The following ERMAP variants were observed in gnomAD, a reference collection of about 807,000 sequenced individuals.
ERMAP encodes erythroid membrane-associated protein.
Under a neutral mutation model 49.5 loss-of-function variants are expected in ERMAP, and 34 were observed. The ratio of observed to expected loss-of-function variants is 0.69; its 90% CI spans 0.52 to 0.91. The LOEUF (loss-of-function observed/expected upper bound fraction) is 0.91, where lower values mean the gene tolerates loss of function less well. ERMAP is among the 40% of genes least tolerant of loss of function. The probability of loss-of-function intolerance (pLI) is 0.00; values close to 1 mark genes in which losing one functional copy is unlikely to be tolerated. For missense variants in ERMAP, 541 were observed against 582.6 expected (o/e 0.93, Z 0.74); for synonymous variants, 214 against 232.2 (o/e 0.92, Z 0.71).
chr1:42,822,025 A>G (rs1309078210), intron 1 of ERMAP, among the ~76,000 whole-genome samples: 1 of 150,834 alleles, frequency 6.6e-6, no homozygotes, highest in Non-Finnish European at 1.5e-5. Flanking sequence ...AAAAAAAAAA[A>G]AAAGAAAACT....
rs796757809 is a variant in ERMAP at position 42,823,596 on chromosome 1, C to CT, written c.-121-2024dup. On this transcript the variant is annotated intron_variant, in intron 1 of 11. Transcript: ENST00000372517. ...AAATACCCAAGTCTGAATAATTATACTTTGTCTTTCAGCTGTACTTTCAGG... is the reference window on the plus strand; with the variant it reads ...AAATACCCAAGTCTGAATAATTATACTTTTGTCTTTCAGCTGTACTTTCAGG... Among the ~76,000 whole-genome samples the CT allele has an allele frequency of 1.3e-4, 20 of 152,284 alleles. No homozygotes were observed. In the East Asian group the frequency reaches 2.5e-3, roughly 19 times the overall value.
chr1:42,841,380 A>T (rs1655053611), intron 11 of ERMAP, among the ~76,000 whole-genome samples: 1 of 152,174 alleles, frequency 6.6e-6, no homozygotes, highest in Non-Finnish European at 1.5e-5. Context: ...TAACATTTAA[A>T]AATAATAATT....
chr1:42,834,649 G>T, intron 4 of ERMAP: 1 of 227,534 alleles, frequency 4.4e-6, no homozygotes, highest in South Asian at 5.0e-5. Context: ...TCTGCCTCCC[G>T]GGTTCAAGGG....
chr1:42,825,086 A>T (rs1654505462), intron 1 of ERMAP, among the ~76,000 whole-genome samples: 2 of 152,248 alleles, frequency 1.3e-5, no homozygotes, highest in South Asian at 4.1e-4. Context: ...GGACATAAAA[A>T]TGTGTAATGT....
chr1:42,817,170 A>G lies in ERMAP; in HGVS notation c.-205A>G, dbSNP rs1306329217. Reference sequence around the variant, plus strand: ...TGGCGGTCGCTGGAGCCGCCGACCAAGAGGCTTGGGAGTCTGTACCTTTCC... The same window carrying G: ...TGGCGGTCGCTGGAGCCGCCGACCAGGAGGCTTGGGAGTCTGTACCTTTCC... On this transcript the variant is annotated 5_prime_UTR_variant, in exon 1 of 12. Coordinates refer to ENST00000372517, the MANE Select transcript of ERMAP (RefSeq NM_001017922.2). 1 of 1,210,358 alleles carries G rather than the reference A, an allele frequency of 8.3e-7. No homozygotes were observed. The highest frequency in any genetic ancestry group is 1.1e-6 in the Non-Finnish European group (1 of 947,538). 75.0% of individuals were successfully genotyped at this position (1,210,358 alleles called of 1,614,324 possible).
chr1:42,839,516 A>C (rs927220956), intron 8 of ERMAP: 1 of 170,818 alleles, frequency 5.9e-6, no homozygotes, highest in Non-Finnish European at 1.3e-5. Flanking sequence ...AGGCTGGGGC[A>C]GGAGAATCGC....
At chr1:42,825,397 A>C in intron 1 of ERMAP, 1 of 868,742 alleles carries the variant, frequency 1.2e-6, no homozygotes, top group Non-Finnish European at 1.4e-6. Context: ...CATTGGAGGA[A>C]AAGGGAGTGG....
chr1:42,837,155 T>C lies in ERMAP; in HGVS notation c.584-3T>C, dbSNP rs775441837. 51 of 1,613,928 alleles carry C rather than the reference T, an allele frequency of 3.2e-5. No homozygotes were observed. The East Asian group carries it at 1.1e-3, about 35-fold the overall frequency. On this transcript the variant is annotated splice_region_variant and splice_polypyrimidine_tract_variant and intron_variant, in intron 6 of 11. Transcript: ENST00000372517. ...CTCATTATCTTTTCCTTTCTTCCTC[T>C]AGACAATCTTCTTTCAGACCATGCT...
intron 1 of ERMAP, among the ~76,000 whole-genome samples, chr1:42,820,144 A>G (rs1317299866): frequency 6.6e-6 from 1 of 152,174 alleles, no homozygotes; most frequent in Non-Finnish European, 1.5e-5. Context: ...CTAGCTTCTC[A>G]TGTGGCTACT....
chr1:42,837,294 T>G, intron 7 of ERMAP, 104 bp downstream of exon 7: 1 of 1,217,294 alleles, frequency 8.2e-7, no homozygotes. Context: ...TATAATACTG[T>G]ACACACATGC....
In ERMAP at chr1:42,837,260, C is replaced by T; in HGVS notation, c.616+70C>T. 6 of 1,490,374 alleles carry T rather than the reference C, an allele frequency of 4.0e-6. No individual in the cohort carries two copies. The South Asian group carries it at 6.9e-5, about 17-fold the overall frequency. 92.3% of individuals were successfully genotyped at this position (1,490,374 alleles called of 1,614,324 possible). The stretch of plus-strand genomic sequence containing the variant: ...CTTTATTTTTCTATGTAAATGTTGA[C>T]AGTCATTATTATAAGTCTATTTTTA... On this transcript the variant is annotated intron_variant, in intron 7 of 11. Coordinates refer to ENST00000372517, the MANE Select transcript of ERMAP (RefSeq NM_001017922.2).
intron 2 of ERMAP, among the ~76,000 whole-genome samples, chr1:42,828,417 G>A (rs1328913487): frequency 1.3e-5 from 2 of 152,048 alleles, no homozygotes; most frequent in African/African-American, 4.8e-5. Context: ...AAACTAACCT[G>A]TCTAAGGCCA....
chr1:42,837,105 G>A (rs909524202), intron 6 of ERMAP, 53 bp from the exon 7 acceptor site: 33 of 1,598,766 alleles, frequency 2.1e-5, no homozygotes, highest in Non-Finnish European at 2.8e-5. Context: ...AGGAATCAGG[G>A]ATCCTCAAGG....
At chr1:42,833,855 C>A (rs1654818775) in intron 4 of ERMAP, among the ~76,000 whole-genome samples, 1 of 152,148 alleles carries the variant, frequency 6.6e-6, no homozygotes, top group African/African-American at 2.4e-5. Flanking sequence ...CCACACCTGG[C>A]CTGAACCTTT....
At position 42,830,750 on chromosome 1, in the gene ERMAP, G is replaced by C. The variant is rs1654698811; in HGVS notation, c.86-18G>C. The C allele has an allele frequency of 6.6e-7, 1 of 1,513,198 alleles. No homozygotes were observed. The highest frequency in any genetic ancestry group is 8.8e-7 in the Non-Finnish European group (1 of 1,130,866). 93.7% of individuals were successfully genotyped at this position (1,513,198 alleles called of 1,614,324 possible). On this transcript the variant is annotated intron_variant, in intron 3 of 11. Coordinates refer to ENST00000372517, the MANE Select transcript of ERMAP (RefSeq NM_001017922.2). Reference sequence around the variant, plus strand: ...CCTGCCGTCCCTCCCAGTTGGCCTTGTCTCTTTTTTTGTCCAGGCCACGCA... The same window carrying C: ...CCTGCCGTCCCTCCCAGTTGGCCTTCTCTCTTTTTTTGTCCAGGCCACGCA...
rs534605157 is a variant in ERMAP, at chr1:42,830,328, G to C, written c.-5-116G>C. 6 of 834,260 alleles carry C rather than the reference G, an allele frequency of 7.2e-6. No individual in the cohort carries two copies. The Admixed American group carries it at 1.2e-4, about 17-fold the overall frequency. 51.7% of individuals were successfully genotyped at this position (834,260 alleles called of 1,614,324 possible). ...GTAGCAGAGCTGGGATTGGAGCCCC[G>C]GCCTTTGTGATCCCAGAGCACCAGC... On this transcript the variant is annotated intron_variant, in intron 2 of 11. Transcript: ENST00000372517.
intron 2 of ERMAP, chr1:42,830,206 A>C: frequency 1.8e-6 from 1 of 544,140 alleles, no homozygotes; most frequent in Non-Finnish European, 3.3e-6. Context: ...TTCAACCCTC[A>C]CCATAATCCC....
chr1:42,825,300 T>G (rs530613049), intron 1 of ERMAP, among the ~76,000 whole-genome samples: 1 of 152,152 alleles, frequency 6.6e-6, no homozygotes, highest in Non-Finnish European at 1.5e-5. Context: ...ATCTTCCAAT[T>G]TACTCTGATT....
intron 2 of ERMAP, 58 bp from the exon 3 acceptor site, chr1:42,830,386 C>A (rs1473758175): frequency 6.7e-7 from 1 of 1,495,602 alleles, no homozygotes; most frequent in Non-Finnish European, 9.3e-7. Context: ...CTGGGTTATA[C>A]CCTCTGTCAC....
Sources: allele counts gnomAD v4.1 joint callset (sites outside exome capture counted in the v4.1 genomes callset), GRCh38; gene constraint gnomAD v4.1.1; transcripts MANE v1.5; gene names NCBI Gene and HGNC (gene_info 2026-07-23, HGNC 2026-07-21).